FRMPD4: variants seen among roughly 807,000 people sequenced by gnomAD.
FRMPD4 encodes FERM and PDZ domain containing 4.
Under a neutral mutation model 94.1 loss-of-function variants are expected in FRMPD4, and 22 were observed. That is an observed-to-expected ratio of 0.23 (90% CI 0.17 to 0.33). The LOEUF is 0.33. Among genes scored for constraint, FRMPD4 ranks in the 10% least tolerant of loss-of-function variants. The probability of loss-of-function intolerance (pLI) is 1.00; values close to 1 mark genes in which losing one functional copy is unlikely to be tolerated. For synonymous variants in FRMPD4, 631 were observed against 548.6 expected, an observed-to-expected ratio of 1.15 and a Z score of -2.10; for missense variants, 1,111 against 1,339.9, an observed-to-expected ratio of 0.83 and a Z score of 2.67.
At chrX:12,598,978 G>A (rs2059058849) in intron 2 of FRMPD4, among the ~76,000 whole-genome samples, 3 of 112,004 alleles carry the variant, frequency 2.7e-5, no homozygotes, top group Non-Finnish European at 5.6e-5. Flanking sequence ...TGTTTGACTC[G>A]TGTCTTAGAT....
intron 3 of FRMPD4, among the ~76,000 whole-genome samples, chrX:12,039,766 C>T (rs2054741537): frequency 9.2e-6 from 1 of 108,885 alleles, no homozygotes; most frequent in Non-Finnish European, 1.9e-5. Context: ...GGTAGGGACT[C>T]GGAGACCAGC....
At chrX:12,062,673 A>G (rs1404163104) in intron 3 of FRMPD4, among the ~76,000 whole-genome samples, 1 of 110,976 alleles carries the variant, frequency 9.0e-6, no homozygotes, top group Non-Finnish European at 1.9e-5. Flanking sequence ...AAATGTGTGG[A>G]GCAGAGGTTG....
chrX:11,963,763 G>A (rs746096654), intron 3 of FRMPD4, among the ~76,000 whole-genome samples: 1 of 111,766 alleles, frequency 8.9e-6, no homozygotes, highest in Non-Finnish European at 1.9e-5. Flanking sequence ...AAATTGGCAA[G>A]CCTAAGGCAA....
intron 1 of FRMPD4, among the ~76,000 whole-genome samples, chrX:12,307,310 G>T (rs1280884590): frequency 8.9e-6 from 1 of 112,214 alleles, no homozygotes; most frequent in East Asian, 2.8e-4. Flanking sequence ...GCCACTGCAG[G>T]CTTTATCCAC....
intron 1 of FRMPD4, among the ~76,000 whole-genome samples, chrX:12,309,079 A>G (rs1456895305): frequency 8.9e-6 from 1 of 112,605 alleles, no homozygotes; most frequent in African/African-American, 3.2e-5. Flanking sequence ...TCCTTGTTGC[A>G]GCTACTCAAC....
intron 3 of FRMPD4, among the ~76,000 whole-genome samples, chrX:12,130,102 AAGAGAGAGAGAGAG>A (rs10533802): frequency 2.2e-5 from 2 of 92,732 alleles, no homozygotes; most frequent in African/African-American, 4.0e-5. Context: ...GAGCCAGCGG[AAGAGAGAGAGAGAG>A]AGAGAGAGAG....
intron 1 of FRMPD4, among the ~76,000 whole-genome samples, chrX:12,246,703 C>T (rs1377322442): frequency 1.8e-5 from 2 of 109,016 alleles, no homozygotes; most frequent in African/African-American, 6.7e-5. Flanking sequence ...ATAGTACAGA[C>T]AAAAGGAGAT....
chrX:11,900,713 A>G (rs916310362), intron 3 of FRMPD4, among the ~76,000 whole-genome samples: 2 of 111,546 alleles, frequency 1.8e-5, no homozygotes, highest in African/African-American at 3.3e-5. Context: ...AGCCAATGGT[A>G]GCCCTGGAGT....
At chrX:12,222,220 G>T (rs925129555) in intron 1 of FRMPD4, among the ~76,000 whole-genome samples, 2 of 111,668 alleles carry the variant, frequency 1.8e-5, no homozygotes, top group African/African-American at 6.5e-5. Context: ...TTAAAATCAT[G>T]TTCTTAAGAT....
rs749455290 is a variant in FRMPD4, at chrX:12,037,935, C to CTATGATG, written c.95+159917_95+159918insTATGATG. ...TCTTATTCTTTTCTATGATGAGTTT[C>CTATGATG]AGCCAGTTTTTGTGTGTATCAGTAA... is the stretch of plus-strand genomic sequence containing the variant. On this transcript the variant is annotated intron_variant, in intron 3 of 18. Coordinates refer to the FRMPD4 transcript ENST00000640291. 2.4e-3 allele frequency among the ~76,000 whole-genome samples: 268 copies of CTATGATG among 112,015 alleles called. 1 individual carries two copies. Among genetic ancestry groups the CTATGATG allele is most frequent in the African/African-American group, 7.6e-3 (233 of 30,822 alleles).
At chrX:12,590,714 A>C (rs1459918695) in intron 2 of FRMPD4, among the ~76,000 whole-genome samples, 1 of 112,055 alleles carries the variant, frequency 8.9e-6, no homozygotes, top group Admixed American at 9.5e-5. Flanking sequence ...AACAACCTTC[A>C]AGGAGTTCAG....
chrX:12,577,184 G>T (rs1464859988), intron 2 of FRMPD4, among the ~76,000 whole-genome samples: 1 of 95,514 alleles, frequency 1.0e-5, no homozygotes, highest in African/African-American at 3.9e-5. Context: ...ATTGCGTTAG[G>T]TGCTCTGGAT....
At chrX:12,061,622 T>C (rs1241998634) in intron 3 of FRMPD4, among the ~76,000 whole-genome samples, 1 of 111,739 alleles carries the variant, frequency 8.9e-6, no homozygotes, top group Non-Finnish European at 1.9e-5. Flanking sequence ...AGAAAGAAAC[T>C]AAGTCATGTT....
In FRMPD4 at chrX:11,844,993, G is replaced by A. The variant is rs768253106; in HGVS notation, c.-160-20093G>A. 3.5e-3 allele frequency among the ~76,000 whole-genome samples: 386 copies of A among 111,848 alleles called. 1 individual carries two copies. Among genetic ancestry groups the A allele is most frequent in the Non-Finnish European group, 5.9e-3 (315 of 53,126 alleles). ...CTTAAATCTACTGTTGTGCCCGTCC[G>A]ATGAAATTTCTGTTTAATTTCTTAC... On this transcript the variant is annotated intron_variant, in intron 1 of 18. Transcript: ENST00000640291.
intron 1 of FRMPD4, among the ~76,000 whole-genome samples, chrX:12,380,679 G>T (rs1257069248): frequency 8.9e-6 from 1 of 112,399 alleles, no homozygotes; most frequent in Non-Finnish European, 1.9e-5. Flanking sequence ...TGTTAAAACA[G>T]CTGGGAAGAG....
chrX:12,100,141 G>A (rs1326673464), intron 3 of FRMPD4, among the ~76,000 whole-genome samples: 4 of 111,984 alleles, frequency 3.6e-5, no homozygotes, highest in Non-Finnish European at 7.5e-5. Context: ...ATTTGTCAAT[G>A]GCAGCTGTAG....
At chrX:12,649,228 G>A (rs957379341) in intron 4 of FRMPD4, among the ~76,000 whole-genome samples, 16 of 111,910 alleles carry the variant, frequency 1.4e-4, no homozygotes, top group African/African-American at 5.2e-4. Context: ...CAGCGTGCGT[G>A]GGGACAGAGA....
intron 3 of FRMPD4, among the ~76,000 whole-genome samples, chrX:11,896,846 C>G (rs1032601288): frequency 1.8e-5 from 2 of 111,319 alleles, no homozygotes; most frequent in Non-Finnish European, 3.8e-5. Context: ...CACGAATCCC[C>G]TGGACATCTG....
At chrX:11,895,077 G>A (rs2053895419) in intron 3 of FRMPD4, among the ~76,000 whole-genome samples, 1 of 111,846 alleles carries the variant, frequency 8.9e-6, no homozygotes, top group Admixed American at 9.5e-5. Context: ...TCCCAGAATG[G>A]TTGTTTTCAA....
Sources: gnomAD v4.1 joint callset for allele counts (sites outside exome capture counted in the v4.1 genomes callset) on GRCh38, gnomAD v4.1.1 for gene constraint, MANE v1.5 for transcripts, NCBI Gene and HGNC (gene_info 2026-07-23, HGNC 2026-07-21) for gene names.